The following ZNF804A variants were observed in gnomAD, a reference collection of about 807,000 sequenced individuals.
ZNF804A encodes the protein zinc finger protein 804A.
In ZNF804A, 2 loss-of-function variants were observed where a neutral mutation model predicts 16.5. The observed-to-expected ratio is 0.12, with a 90% CI of 0.05 to 0.38. The LOEUF is 0.38. Among genes scored for constraint, ZNF804A ranks in the 10% least tolerant of loss-of-function variants. ZNF804A has a pLI of 0.99. For missense variants in ZNF804A, 1,473 were observed against 1,390.7 expected, an observed-to-expected ratio of 1.06 and a Z score of -0.94; for synonymous variants, 534 against 489.6, an observed-to-expected ratio of 1.09 and a Z score of -1.20.
chr2:184,907,478 T>A (rs1301313957), intron 2 of ZNF804A, among the ~76,000 whole-genome samples: 1 of 152,194 alleles, frequency 6.6e-6, no homozygotes, highest in Non-Finnish European at 1.5e-5. Flanking sequence ...ATATCCCATA[T>A]ACAGTATATT....
rs1380739551 is a variant in ZNF804A, at chr2:184,938,793, T to A, written c.3397T>A (p.Ser1133Thr). 1 of 1,613,612 alleles carries A rather than the reference T, an allele frequency of 6.2e-7. No individual in the cohort carries two copies. Among genetic ancestry groups the A allele is most frequent in the Non-Finnish European group, 8.5e-7 (1 of 1,179,770 alleles). Residue 1133 changes from serine (S) to threonine (T), a missense_variant, in exon 4 of 4, where the codon TCC becomes ACC. Ser to Thr is a moderately conservative substitution (Grantham distance 58, BLOSUM62 1). Coordinates refer to ENST00000302277, the MANE Select transcript of ZNF804A (RefSeq NM_194250.2). ...KVLQPHQQFL[S>T]QIPALTRTSL... ...GCTTCAGCCACACCAACAGTTTCTT[T>A]CCCAAATCCCAGCTCTCACCAGAAC...
At chr2:184,748,726 A>T (rs1693832776) in intron 1 of ZNF804A, among the ~76,000 whole-genome samples, 2 of 151,476 alleles carry the variant, frequency 1.3e-5, no homozygotes, top group African/African-American at 4.8e-5. Context: ...TGAGGTCTTA[A>T]ATTTAAATGT....
rs1695930101 is a variant in ZNF804A, at chr2:184,869,049, G to A, written c.255+2537G>A. On this transcript the variant is annotated intron_variant, in intron 2 of 3. Transcript: ENST00000302277. ...GCGCTGAAATGCATGATGTTCAAAGGAAGTGCTCATTTGGACATTTCGGAT... is the reference window on the plus strand; with the variant it reads ...GCGCTGAAATGCATGATGTTCAAAGAAAGTGCTCATTTGGACATTTCGGAT... Among the ~76,000 whole-genome samples, 2 of 151,922 alleles carry A rather than the reference G, an allele frequency of 1.3e-5. 1 individual carries two copies. Among genetic ancestry groups the A allele is most frequent in the South Asian group, 4.1e-4 (2 of 4,832 alleles).
intron 1 of ZNF804A, among the ~76,000 whole-genome samples, chr2:184,761,649 A>G (rs1694037948): frequency 6.6e-6 from 1 of 152,148 alleles, no homozygotes; most frequent in African/African-American, 2.4e-5. Context: ...GGAAATAAAA[A>G]ACATAACTGA....
rs148881716 is a variant in ZNF804A at position 184,933,373 on chromosome 2, G to A, written c.256-230G>A. ...AGATTAAAGTTTTCAATTAAAATTT[G>A]CCTAAGGCATAGATATAAATTTCAC... On this transcript the variant is annotated intron_variant, in intron 2 of 3. Transcript: ENST00000302277. Among the ~76,000 whole-genome samples the A allele has an allele frequency of 6.6e-3, 1,008 of 152,264 alleles. 8 individuals carry two copies. The highest frequency in any genetic ancestry group is 0.02 in the Middle Eastern group (6 of 294).
At chr2:184,645,675 T>C (rs1392885538) in intron 1 of ZNF804A, among the ~76,000 whole-genome samples, 1 of 152,206 alleles carries the variant, frequency 6.6e-6, no homozygotes, top group Non-Finnish European at 1.5e-5. Flanking sequence ...TAGGGATTTT[T>C]TATTTTCCCA....
intron 1 of ZNF804A, among the ~76,000 whole-genome samples, chr2:184,709,373 A>G (rs1379051378): frequency 6.6e-6 from 1 of 152,130 alleles, no homozygotes; most frequent in Non-Finnish European, 1.5e-5. Context: ...TTGCATTTAT[A>G]TACTTTAATA....
intron 1 of ZNF804A, among the ~76,000 whole-genome samples, chr2:184,847,166 T>G (rs559427482): frequency 6.6e-6 from 1 of 152,230 alleles, no homozygotes; most frequent in East Asian, 1.9e-4. Flanking sequence ...TGTACTCAAT[T>G]TAGCTCGCCA....
chr2:184,600,142 C>T (rs1398977489), intron 1 of ZNF804A, among the ~76,000 whole-genome samples: 1 of 152,094 alleles, frequency 6.6e-6, no homozygotes, highest in African/African-American at 2.4e-5. Context: ...AGGACAGACT[C>T]AAATAGTCCA....
chr2:184,838,763 A>T (rs1427100015), intron 1 of ZNF804A, among the ~76,000 whole-genome samples: 1 of 152,144 alleles, frequency 6.6e-6, no homozygotes, highest in Non-Finnish European at 1.5e-5. Context: ...ACAATTTTAT[A>T]TTAAAAACCA....
At chr2:184,783,835 A>G (rs1387762084) in intron 1 of ZNF804A, among the ~76,000 whole-genome samples, 1 of 151,970 alleles carries the variant, frequency 6.6e-6, no homozygotes, top group Non-Finnish European at 1.5e-5. Context: ...TTGTTTAGGC[A>G]TGAAGGTATC....
chr2:184,779,014 A>G (rs553144369), intron 1 of ZNF804A, among the ~76,000 whole-genome samples: 1 of 151,904 alleles, frequency 6.6e-6, no homozygotes, highest in South Asian at 2.1e-4. Flanking sequence ...TAAAAATTAG[A>G]AATTAGTAAA....
At chr2:184,616,441 A>G (rs953309968) in intron 1 of ZNF804A, among the ~76,000 whole-genome samples, 1 of 152,180 alleles carries the variant, frequency 6.6e-6, no homozygotes, top group Admixed American at 6.5e-5. Flanking sequence ...CATTGTTGTA[A>G]AGATTAAATA....
chr2:184,606,442 C>G (rs80078811), intron 1 of ZNF804A, among the ~76,000 whole-genome samples: 2,748 of 152,252 alleles, frequency 0.018, 41 homozygotes, highest in Non-Finnish European at 0.03. Context: ...CCCTATGATC[C>G]AGTCACTTCC....
At chr2:184,852,122 A>T (rs1353288057) in intron 1 of ZNF804A, among the ~76,000 whole-genome samples, 1 of 151,726 alleles carries the variant, frequency 6.6e-6, no homozygotes, top group Non-Finnish European at 1.5e-5. Context: ...TACAGTAGTC[A>T]CCTGCTTATC....
At chr2:184,633,046 C>A (rs960094421) in intron 1 of ZNF804A, among the ~76,000 whole-genome samples, 1 of 152,120 alleles carries the variant, frequency 6.6e-6, no homozygotes, top group African/African-American at 2.4e-5. Context: ...TCTGACAGCC[C>A]CCACCCCACC....
intron 1 of ZNF804A, among the ~76,000 whole-genome samples, chr2:184,684,789 A>C (rs1692601202): frequency 6.6e-6 from 1 of 152,100 alleles, no homozygotes; most frequent in Non-Finnish European, 1.5e-5. Flanking sequence ...GCTCCCACTT[A>C]TAAGTGAGAA....
intron 1 of ZNF804A, among the ~76,000 whole-genome samples, chr2:184,747,658 T>A (rs1383830814): frequency 1.3e-5 from 2 of 151,294 alleles, no homozygotes; most frequent in African/African-American, 4.8e-5. Flanking sequence ...GGATTCTGTT[T>A]TAAAATATTT....
At chr2:184,896,942 T>C (rs913832453) in intron 2 of ZNF804A, among the ~76,000 whole-genome samples, 4 of 152,130 alleles carry the variant, frequency 2.6e-5, no homozygotes, top group Admixed American at 2.0e-4. Context: ...TGGATATGAT[T>C]ATTAATCTCA....
Sources: allele counts gnomAD v4.1 joint callset (sites outside exome capture counted in the v4.1 genomes callset), GRCh38; gene constraint gnomAD v4.1.1; transcripts MANE v1.5; gene names NCBI Gene and HGNC (gene_info 2026-07-23, HGNC 2026-07-21).